Variants in JADE1 observed in about 807,000 individuals in gnomAD.
JADE1 encodes the protein jade family PHD finger 1, also known as protein Jade-1.
In JADE1, 14 loss-of-function variants were observed where a neutral mutation model predicts 81.8. That is an observed-to-expected ratio of 0.17 (90% CI 0.11 to 0.27). The LOEUF is 0.27. Among genes scored for constraint, JADE1 ranks in the 10% least tolerant of loss-of-function variants. The pLI, the probability that JADE1 is intolerant of heterozygous loss-of-function variation, is 1.00. For synonymous variants in JADE1, 353 were observed against 391.9 expected, an observed-to-expected ratio of 0.90 and a Z score of 1.17; for missense variants, 690 against 1,047.9, an observed-to-expected ratio of 0.66 and a Z score of 4.71.
intron 3 of JADE1, 68 bp downstream of exon 3, chr4:128,843,106 T>G: frequency 7.5e-7 from 1 of 1,340,822 alleles, no homozygotes; most frequent in East Asian, 2.3e-5. Context: ...TTGAGTGGTA[T>G]CTATTTGTGC....
chr4:128,829,876 C>A (rs1728387882), intron 1 of JADE1, among the ~76,000 whole-genome samples: 1 of 151,846 alleles, frequency 6.6e-6, no homozygotes, highest in African/African-American at 2.4e-5. Flanking sequence ...AGTGGTTCTC[C>A]ACATTTTTCT....
At chr4:128,864,645 A>G (rs1731651001) in intron 9 of JADE1, 1 of 979,172 alleles carries the variant, frequency 1.0e-6, no homozygotes, top group Non-Finnish European at 1.2e-6. Context: ...TGTTTTCTCA[A>G]GTAAGTTAGT....
intron 1 of JADE1, among the ~76,000 whole-genome samples, chr4:128,821,077 T>G (rs1727522106): frequency 6.6e-6 from 1 of 152,140 alleles, no homozygotes; most frequent in African/African-American, 2.4e-5. Context: ...TGATATGAAG[T>G]GTGTAGGTTT....
chr4:128,858,401 T>C (rs1267764122), intron 8 of JADE1, among the ~76,000 whole-genome samples: 1 of 152,050 alleles, frequency 6.6e-6, no homozygotes, highest in Non-Finnish European at 1.5e-5. Flanking sequence ...GGCCACAGGC[T>C]CTTCTTCCTT....
intron 1 of JADE1, among the ~76,000 whole-genome samples, chr4:128,821,687 A>G (rs577752419): frequency 2.3e-3 from 343 of 151,922 alleles, no homozygotes; most frequent in Non-Finnish European, 4.1e-3. Flanking sequence ...TGCCTGGCTA[A>G]TTTTTGTATT....
At chr4:128,815,706 T>C (rs1345879395) in intron 1 of JADE1, among the ~76,000 whole-genome samples, 1 of 152,180 alleles carries the variant, frequency 6.6e-6, no homozygotes, top group Non-Finnish European at 1.5e-5. Context: ...TCTGTCACAG[T>C]TCTGCTTGCT....
At chr4:128,810,436 G>T (rs1726238444) in intron 1 of JADE1, 1 of 147,860 alleles carries the variant, frequency 6.8e-6, no homozygotes, top group East Asian at 2.0e-4. Flanking sequence ...GTTTAAGTTG[G>T]CTTTAGTTTA....
intron 8 of JADE1, among the ~76,000 whole-genome samples, chr4:128,858,761 C>A (rs146429224): frequency 4.1e-4 from 62 of 152,126 alleles, no homozygotes; most frequent in African/African-American, 1.5e-3. Flanking sequence ...CACCAGCAAG[C>A]CCGGCTAATT....
chr4:128,832,208 A>T (rs1490100796), intron 2 of JADE1, among the ~76,000 whole-genome samples: 1 of 152,348 alleles, frequency 6.6e-6, no homozygotes, highest in South Asian at 2.1e-4. Context: ...GCCTAGTGTG[A>T]TGTGAAAATT....
intron 9 of JADE1, 108 bp from the exon 10 acceptor site, chr4:128,867,748 G>T: frequency 1.7e-6 from 1 of 605,240 alleles, no homozygotes; most frequent in Admixed American, 2.8e-5. Context: ...TCAAGTATCT[G>T]TCAAGGCCCT....
chr4:128,867,637 G>A (rs1023033112), intron 9 of JADE1, among the ~76,000 whole-genome samples: 2 of 152,178 alleles, frequency 1.3e-5, no homozygotes, highest in Non-Finnish European at 2.9e-5. Context: ...AACCCTCTTC[G>A]ATGTTGCTTC....
chr4:128,858,278 T>C (rs1730969870), intron 8 of JADE1, among the ~76,000 whole-genome samples: 1 of 152,152 alleles, frequency 6.6e-6, no homozygotes, highest in African/African-American at 2.4e-5. Flanking sequence ...AGTTCGTTTT[T>C]AGGCCTCACA....
intron 8 of JADE1, 108 bp from the exon 9 acceptor site, chr4:128,861,596 C>A: frequency 8.2e-7 from 1 of 1,218,198 alleles, no homozygotes; most frequent in Non-Finnish European, 1.2e-6. Context: ...ATGCTTGAAG[C>A]ATGGCTCTTC....
At chr4:128,862,425 G>T (rs1205722237) in intron 9 of JADE1, 200 bp downstream of exon 9, 2 of 1,399,954 alleles carry the variant, frequency 1.4e-6, no homozygotes, top group African/African-American at 2.9e-5. Flanking sequence ...ACTGAGTGGG[G>T]AGCTTCTTTG....
intron 1 of JADE1, among the ~76,000 whole-genome samples, chr4:128,823,620 T>G (rs1227377006): frequency 6.6e-6 from 1 of 152,198 alleles, no homozygotes; most frequent in Admixed American, 6.5e-5. Flanking sequence ...TAAATAAGTT[T>G]TGATGTATGA....
rs765685798 is a variant in JADE1 at position 128,842,986 on chromosome 4, C to T, written c.86C>T (p.Ser29Phe). Reference sequence around the variant, plus strand: ...ACTACTTGGTCCCAGAATTCCCGATCCCAGCATAGGAGAAGCTCCTGCTCC... The same window carrying T: ...ACTACTTGGTCCCAGAATTCCCGATTCCAGCATAGGAGAAGCTCCTGCTCC... ...LSTTWSQNSR[S>F]QHRRSSCSRH... is the part of the protein sequence containing the mutation. Residue 29 changes from serine to phenylalanine, a missense_variant, in exon 3 of 11, where the codon TCC (serine) becomes TTC (phenylalanine). Physicochemically the swap from Ser to Phe is radical, Grantham distance 155 (BLOSUM62 -2). Coordinates refer to ENST00000226319, the MANE Select transcript of JADE1 (RefSeq NM_199320.4). 6.2e-7 allele frequency: 1 copy of T among 1,614,030 alleles called. No homozygotes were observed. The highest frequency in any genetic ancestry group is 8.5e-7 in the Non-Finnish European group (1 of 1,179,918).
At chr4:128,865,274 G>A (rs957747898) in intron 9 of JADE1, among the ~76,000 whole-genome samples, 11 of 152,182 alleles carry the variant, frequency 7.2e-5, no homozygotes, top group Non-Finnish European at 1.5e-4. Context: ...TGTTGTCCCT[G>A]ACCCAGAAAC....
intron 2 of JADE1, among the ~76,000 whole-genome samples, chr4:128,832,310 G>T (rs1728624677): frequency 6.6e-6 from 1 of 152,196 alleles, no homozygotes; most frequent in African/African-American, 2.4e-5. Context: ...CTGTATCTCA[G>T]CTCTCTGGCA....
At chr4:128,812,279 T>A (rs1487112946) in intron 1 of JADE1, among the ~76,000 whole-genome samples, 2 of 151,344 alleles carry the variant, frequency 1.3e-5, no homozygotes, top group Non-Finnish European at 3.0e-5. Flanking sequence ...CCTCCCGCGC[T>A]GTTGTTTCTG....
Sources: gnomAD v4.1 joint callset for allele counts (sites outside exome capture counted in the v4.1 genomes callset) on GRCh38, gnomAD v4.1.1 for gene constraint, MANE v1.5 for transcripts, NCBI Gene and HGNC (gene_info 2026-07-23, HGNC 2026-07-21) for gene names.